Variants in CEP57 observed in about 807,000 individuals in gnomAD.
CEP57 encodes centrosomal protein 57.
In CEP57, 40 loss-of-function variants were observed where a neutral mutation model predicts 68.0. The observed-to-expected ratio is 0.59, with a 90% CI of 0.46 to 0.77. The LOEUF is 0.77. CEP57 is among the 30% of genes least tolerant of loss of function. The pLI is 0.00. For missense variants in CEP57, 606 were observed against 580.7 expected (o/e 1.04, Z -0.45); for synonymous variants, 219 against 198.7 (o/e 1.10, Z -0.86).
rs1342676987 is a variant in CEP57 at position 95,813,053 on chromosome 11, G to A, written c.324G>A (p.Leu108=). The A allele has an allele frequency of 1.2e-6, 2 of 1,613,662 alleles. No individual in the cohort carries two copies. Among genetic ancestry groups the A allele is most frequent in the African/African-American group, 1.3e-5 (1 of 75,002 alleles). Residue 108 remains leucine (L), a synonymous_variant, in exon 3 of 11, where the codon CTG becomes CTA. Transcript: ENST00000325542. ...AAACAATTGAATATAAGAAAGTACT[G>A]GATGAACAGATACAAGAAAGGGAGA... The part of the protein sequence containing the change: ...SRETIEYKKV[L]DEQIQERENS...
Position 95,831,245 on chromosome 11 carries a change from T to TGGGATTACTGACTCA in CEP57, c.1493_*4dup. ...TTCATTACAAAGCAGTAGTTTGTGTTGGGATTACTGACTCATAACCAGGTC... is the reference window on the plus strand; with the variant it reads ...TTCATTACAAAGCAGTAGTTTGTGTTGGGATTACTGACTCAGGGATTACTGACTCATAACCAGGTC... On this transcript the variant is annotated stop_gained and inframe_insertion, in exon 11 of 11. Transcript: ENST00000325542. LOFTEE classifies it high-confidence loss of function. 1 of 1,610,422 alleles carries TGGGATTACTGACTCA rather than the reference T, an allele frequency of 6.2e-7. No individual in the cohort carries two copies.
At position 95,817,841 on chromosome 11, in the gene CEP57, G is replaced by A. The variant is rs1862364446; in HGVS notation, c.559G>A (p.Glu187Lys). The change falls in exon 5 of 11, where the codon GAA becomes AAA. Residue 187 changes from glutamate (E) to lysine (K), a missense_variant. Physicochemically the swap from Glu to Lys is moderately conservative, Grantham distance 56 (BLOSUM62 1). Transcript: ENST00000325542. ...TCAAACACATGTTCAGAGCCAACTT[G>A]AAAAATTGGATCTTCTTGAACAGGA... ...HDQTHVQSQLEKLDLLEQEYN... is the reference protein window; with the variant it reads ...HDQTHVQSQLKKLDLLEQEYN... 4 of 1,613,944 alleles carry A rather than the reference G, an allele frequency of 2.5e-6. No homozygotes were observed. The highest frequency in any genetic ancestry group is 3.4e-6 in the Non-Finnish European group (4 of 1,179,956).
At chr11:95,819,552 C>T (rs1862435308) in intron 6 of CEP57, among the ~76,000 whole-genome samples, 1 of 152,194 alleles carries the variant, frequency 6.6e-6, no homozygotes, top group Non-Finnish European at 1.5e-5. Flanking sequence ...ATAAAATTTT[C>T]ATGTTTTTAA....
At chr11:95,818,079 TGGTG>T (rs1862375612) in intron 5 of CEP57, 176 bp downstream of exon 5, 1 of 592,792 alleles carries the variant, frequency 1.7e-6, no homozygotes, top group Admixed American at 3.0e-5. Flanking sequence ...TTTACAATCT[TGGTG>T]GGCATTTTTT....
rs1246694610 is a variant in CEP57, at chr11:95,831,356, T to G, written c.*100T>G. 4.6e-5 allele frequency: 40 copies of G among 862,372 alleles called. No individual in the cohort carries two copies. Among genetic ancestry groups the G allele is most frequent in the Non-Finnish European group, 7.6e-5 (40 of 526,174 alleles). The allele number at this position is 862,372 out of a possible 1,614,324, so 53.4% of individuals were successfully genotyped here. On this transcript the variant is annotated 3_prime_UTR_variant, in exon 11 of 11. Coordinates refer to ENST00000325542, the MANE Select transcript of CEP57 (RefSeq NM_014679.5). ...GTCTCATACTCACTTATGTTGGAAT[T>G]AATTAATAGCAGGTGTTAAAGGACC...
intron 4 of CEP57, among the ~76,000 whole-genome samples, chr11:95,817,334 C>A (rs546993950): frequency 6.6e-6 from 1 of 152,256 alleles, no homozygotes; most frequent in South Asian, 2.1e-4. Flanking sequence ...CCACTGCACT[C>A]TGGCCTGGGC....
intron 8 of CEP57, 60 bp from the exon 9 acceptor site, chr11:95,827,726 T>A: frequency 6.2e-7 from 1 of 1,603,960 alleles, no homozygotes; most frequent in South Asian, 1.1e-5. Flanking sequence ...GCTTAGGGAA[T>A]AGAAAGTGGT....
intron 2 of CEP57, among the ~76,000 whole-genome samples, chr11:95,800,221 T>G (rs1861515729): frequency 6.6e-6 from 1 of 152,178 alleles, no homozygotes; most frequent in South Asian, 2.1e-4. Context: ...CCAAGCTCAT[T>G]AAGATTCTTA....
chr11:95,800,175 C>G (rs1861513326), intron 2 of CEP57, among the ~76,000 whole-genome samples: 1 of 152,178 alleles, frequency 6.6e-6, no homozygotes, highest in Non-Finnish European at 1.5e-5. Flanking sequence ...GCTTGGGGCT[C>G]TGTTCTTTAC....
At chr11:95,800,355 C>G (rs1378647662) in intron 2 of CEP57, among the ~76,000 whole-genome samples, 1 of 151,854 alleles carries the variant, frequency 6.6e-6, no homozygotes, top group African/African-American at 2.4e-5. Context: ...TTGTCTCCTA[C>G]GGTAACAGTA....
intron 1 of CEP57, chr11:95,795,558 A>G: frequency 1.8e-6 from 1 of 541,460 alleles, no homozygotes; most frequent in Non-Finnish European, 3.3e-6. Flanking sequence ...ACCAGAATTG[A>G]TGTAGGTATC....
chr11:95,829,857 TGA>T (rs768535108), intron 10 of CEP57, among the ~76,000 whole-genome samples: 4 of 152,156 alleles, frequency 2.6e-5, no homozygotes, highest in Non-Finnish European at 4.4e-5. Context: ...GCAGAGAGGC[TGA>T]GAGATCAGCT....
In CEP57 at chr11:95,828,014, G is replaced by A; in HGVS notation, c.1114G>A (p.Gly372Arg). 1 of 1,613,566 alleles carries A rather than the reference G, an allele frequency of 6.2e-7. No individual in the cohort carries two copies. The highest frequency in any genetic ancestry group is 8.5e-7 in the Non-Finnish European group (1 of 1,179,866). ...EVLQTLQDEF[G>R]QMSFDHQQLA... is the part of the protein sequence containing the mutation. Reference sequence around the variant, plus strand: ...CTTACAGACTTTACAGGATGAATTTGGGCAAATGAGCTTGTGAGTTTTTGT... The same window carrying A: ...CTTACAGACTTTACAGGATGAATTTAGGCAAATGAGCTTGTGAGTTTTTGT... The change falls in exon 9 of 11, where the codon GGG becomes AGG. Residue 372 changes from glycine (G) to arginine (R), a missense_variant. Gly to Arg is a moderately radical substitution (Grantham distance 125). Coordinates refer to ENST00000325542, the MANE Select transcript of CEP57 (RefSeq NM_014679.5).
chr11:95,794,476 T>G (rs1861247358), intron 1 of CEP57: 1 of 370,170 alleles, frequency 2.7e-6, no homozygotes, highest in South Asian at 2.0e-5. Context: ...ACTTGTAAAT[T>G]TTTGCTGTGT....
At chr11:95,828,967 G>T (rs1045628308) in intron 9 of CEP57, among the ~76,000 whole-genome samples, 1 of 151,648 alleles carries the variant, frequency 6.6e-6, no homozygotes, top group Non-Finnish European at 1.5e-5. Context: ...GCGTGAACCC[G>T]GGAGGCAGAG....
intron 4 of CEP57, among the ~76,000 whole-genome samples, chr11:95,814,509 T>G (rs2135325562): frequency 6.6e-6 from 1 of 152,096 alleles, no homozygotes; most frequent in African/African-American, 2.4e-5. Flanking sequence ...TACAGGCATG[T>G]GCCACCACAC....
In CEP57 at chr11:95,799,336, AC is replaced by A; in HGVS notation, c.151del (p.Arg51AspfsTer44). 6.2e-7 allele frequency: 1 copy of A among 1,614,108 alleles called. No homozygotes were observed. The highest frequency in any genetic ancestry group is 8.5e-7 in the Non-Finnish European group (1 of 1,179,980). ...SDKPFLNSDL[R>X]RSPSKPTLAY... ...ATAAGCCTTTCCTTAATAGTGATCT[AC>A]GACGCTCCCCAAGTAAGCCTACACT... is the stretch of plus-strand genomic sequence containing the variant. On this transcript the variant is annotated frameshift_variant, in exon 2 of 11. Coordinates refer to ENST00000325542, the MANE Select transcript of CEP57 (RefSeq NM_014679.5). LOFTEE classifies it high-confidence loss of function.
intron 4 of CEP57, among the ~76,000 whole-genome samples, chr11:95,817,314 C>T (rs1862338232): frequency 6.6e-6 from 1 of 151,892 alleles, no homozygotes; most frequent in East Asian, 1.9e-4. Flanking sequence ...TTGCGGTGAG[C>T]CGAGATCAGC....
intron 1 of CEP57, 89 bp downstream of exon 1, chr11:95,790,832 T>G (rs1861004820): frequency 1.4e-6 from 2 of 1,476,942 alleles, no homozygotes; most frequent in African/African-American, 1.4e-5. Flanking sequence ...TCAGTCCAGC[T>G]TCTGACGCAA....
Sources: gnomAD v4.1 joint callset for allele counts (sites outside exome capture counted in the v4.1 genomes callset) on GRCh38, gnomAD v4.1.1 for gene constraint, MANE v1.5 for transcripts, NCBI Gene and HGNC (gene_info 2026-07-23, HGNC 2026-07-21) for gene names.